Variants in PFAS observed in about 807,000 individuals in gnomAD.
PFAS encodes the protein FGAM synthase.
PFAS carries 97 observed loss-of-function variants against 140.6 expected under a neutral mutation model. The ratio of observed to expected loss-of-function variants is 0.69; its 90% confidence interval spans 0.59 to 0.82. The LOEUF is 0.82. PFAS is among the 40% of genes least tolerant of loss of function. PFAS has a pLI of 0.00. For synonymous variants in PFAS, 679 were observed against 718.8 expected (o/e 0.94, Z 0.88); for missense variants, 1,656 against 1,780.2 (o/e 0.93, Z 1.26).
At position 8,265,000 on chromosome 17, in the gene PFAS, A is replaced by T. The variant is rs1322493392; in HGVS notation, c.2155A>T (p.Ile719Leu). Residue 719 changes from isoleucine to leucine, a missense_variant, in exon 18 of 28, where the codon ATA (isoleucine) becomes TTA (leucine). Physicochemically the swap from Ile to Leu is conservative, Grantham distance 5. Transcript: ENST00000314666. ...AVVALSHEEL[I>L]GAATALGEQP... is the part of the protein sequence containing the mutation. ...TGTGGCACTGAGCCATGAGGAGCTCATAGGGGCTGCCACAGCCTTGGGAGA... is the reference window on the plus strand; with the variant it reads ...TGTGGCACTGAGCCATGAGGAGCTCTTAGGGGCTGCCACAGCCTTGGGAGA... 10 of 1,613,550 alleles carry T rather than the reference A, an allele frequency of 6.2e-6. No individual in the cohort carries two copies. The highest frequency in any genetic ancestry group is 6.8e-6 in the Non-Finnish European group (8 of 1,179,922).
upstream of PFAS, chr17:8,247,910 G>A: frequency 7.4e-7 from 1 of 1,352,844 alleles, no homozygotes; most frequent in Non-Finnish European, 1.0e-6. Flanking sequence ...CGCGGCCAGC[G>A]AGCCCAGAGA....
In PFAS at chr17:8,265,658, C is replaced by T; in HGVS notation, c.2545+19C>T. 2 of 1,599,844 alleles carry T rather than the reference C, an allele frequency of 1.3e-6. No homozygotes were observed. Among genetic ancestry groups the T allele is most frequent in the Non-Finnish European group, 1.7e-6 (2 of 1,167,130 alleles). ...GGGAGAGGTATGGACATGGCCCCAT[C>T]CTTTGTGATCTTTGCTTGTGTGATC... On this transcript the variant is annotated intron_variant, in intron 20 of 27. Coordinates refer to ENST00000314666, the MANE Select transcript of PFAS (RefSeq NM_012393.3).
intron 2 of PFAS, 31 bp from the exon 3 acceptor site, chr17:8,254,135 C>G (rs1253078617): frequency 1.2e-6 from 2 of 1,613,956 alleles, no homozygotes; most frequent in African/African-American, 2.7e-5. Flanking sequence ...GGGGCAGTGT[C>G]TCAAGGTGTC....
upstream of PFAS, among the ~76,000 whole-genome samples, chr17:8,249,114 T>C (rs1989015570): frequency 6.6e-6 from 1 of 152,112 alleles, no homozygotes. Context: ...GAACTGAATG[T>C]ATTTTCACAA....
rs1338002436 is a variant in PFAS, at chr17:8,249,313, C to G, written c.-106C>G. The G allele has an allele frequency of 6.6e-6, 1 of 152,232 alleles. No individual in the cohort carries two copies. The highest frequency in any genetic ancestry group is 6.5e-5 in the Admixed American group (1 of 15,292). The allele number at this position is 152,232 out of a possible 1,614,324, so 9.4% of individuals were successfully genotyped here. On this transcript the variant is annotated 5_prime_UTR_variant, in exon 1 of 28. Coordinates refer to ENST00000314666, the MANE Select transcript of PFAS (RefSeq NM_012393.3). Reference sequence around the variant, plus strand: ...CAAACGCGCGCGACGATTCGAGGTGCTCTGTGGCCGCGAGTGCATCTTCCA... The same window carrying G: ...CAAACGCGCGCGACGATTCGAGGTGGTCTGTGGCCGCGAGTGCATCTTCCA...
In PFAS at chr17:8,256,887, T is replaced by C. The variant is rs1352157467; in HGVS notation, c.999T>C (p.Asp333=). The change falls in exon 9 of 28, where the codon GAT becomes GAC. Residue 333 remains aspartate (D), a synonymous_variant. Transcript: ENST00000314666. ...ATTGTGGRIR[D]VQCTGRGAHV... The stretch of plus-strand genomic sequence containing the variant: ...CTGGCACAGGGGGCCGGATTCGAGA[T>C]GTCCAGTGCACAGGCCGCGGGGCCC... 2 of 1,613,982 alleles carry C rather than the reference T, an allele frequency of 1.2e-6. No homozygotes were observed. The highest frequency in any genetic ancestry group is 1.7e-6 in the Non-Finnish European group (2 of 1,179,918).
chr17:8,248,079 TGGGGGTGGGGATGGGGGTGG>T, upstream of PFAS: 2 of 145,654 alleles, frequency 1.4e-5, no homozygotes, highest in Non-Finnish European at 1.4e-5. Flanking sequence ...GGTGCTCGCT[TGGGGGTGGGGATGGGGGTGG>T]GGGGGCGCTC....
In PFAS at chr17:8,268,747, T is replaced by C. The variant is rs1038078518; in HGVS notation, c.3597T>C (p.Ser1199=). 1.2e-6 allele frequency: 2 copies of C among 1,612,340 alleles called. No homozygotes were observed. The highest frequency in any genetic ancestry group is 2.7e-5 in the African/African-American group (2 of 74,940). The part of the protein sequence containing the change: ...RPGLLLRHNL[S]GRYESRWASV... ...GCCTTCTGCTACGCCACAACCTGTCTGGGCGCTACGAGTCTCGCTGGGCCA... is the reference window on the plus strand; with the variant it reads ...GCCTTCTGCTACGCCACAACCTGTCCGGGCGCTACGAGTCTCGCTGGGCCA... The change falls in exon 27 of 28, where the codon TCT becomes TCC. Residue 1199 remains serine (S), a synonymous_variant. Transcript: ENST00000314666.
In PFAS at chr17:8,264,198, C is replaced by T. The variant is rs182493420; in HGVS notation, c.1792-14C>T. The T allele has an allele frequency of 2.5e-6, 4 of 1,613,472 alleles. No homozygotes were observed. Among genetic ancestry groups the T allele is most frequent in the Admixed American group, 1.7e-5 (1 of 59,948 alleles). On this transcript the variant is annotated splice_polypyrimidine_tract_variant and intron_variant, in intron 15 of 27. Coordinates refer to ENST00000314666, the MANE Select transcript of PFAS (RefSeq NM_012393.3). Reference sequence around the variant, plus strand: ...AGTCTCATCCCCTCTGGGTGGGGTCCCTGTGGTCTATAGATAGTGCTGGTG... The same window carrying T: ...AGTCTCATCCCCTCTGGGTGGGGTCTCTGTGGTCTATAGATAGTGCTGGTG...
rs139846959 is a variant in PFAS at position 8,263,339 on chromosome 17, A to G, written c.1567+74A>G. The G allele has an allele frequency of 3.2e-5, 48 of 1,515,772 alleles. No homozygotes were observed. The Admixed American group carries it at 8.1e-4, about 26-fold the overall frequency. The allele number at this position is 1,515,772 out of a possible 1,614,324, so 93.9% of individuals were successfully genotyped here. On this transcript the variant is annotated intron_variant, in intron 13 of 27. Coordinates refer to ENST00000314666, the MANE Select transcript of PFAS (RefSeq NM_012393.3). The stretch of plus-strand genomic sequence containing the variant: ...CAGGTTTCGTTTAGGGAGAGGTATC[A>G]GGAATCTCCAACCAACCACCCAGCT...
Position 8,266,141 on chromosome 17 carries a change from G to T in PFAS, c.2702-93G>T, listed in dbSNP as rs1355169522. 3 of 1,567,310 alleles carry T rather than the reference G, an allele frequency of 1.9e-6. No individual in the cohort carries two copies. Among genetic ancestry groups the T allele is most frequent in the East Asian group, 4.5e-5 (2 of 44,532 alleles). On this transcript the variant is annotated intron_variant, in intron 21 of 27. Transcript: ENST00000314666. The surrounding 1 kb of genome is among the most constrained non-coding windows in gnomAD (Gnocchi z 5.0). ...TGTACCCCAGATCCCCTGACATTCT[G>T]ACACACACTCTTGATGGACTGACTC...
intron 3 of PFAS, 72 bp downstream of exon 3, chr17:8,254,373 G>A: frequency 6.4e-7 from 1 of 1,572,754 alleles, no homozygotes; most frequent in South Asian, 1.1e-5. Flanking sequence ...TGGGAGATTT[G>A]CTTTTCCTTT....
At chr17:8,252,540 A>AT (rs941851282) in intron 1 of PFAS, among the ~76,000 whole-genome samples, 2 of 151,100 alleles carry the variant, frequency 1.3e-5, no homozygotes, top group African/African-American at 4.9e-5. Context: ...ATTAGCTGTG[A>AT]TTACAGGCAC....
At chr17:8,253,085 C>A (rs566507282) in intron 1 of PFAS, among the ~76,000 whole-genome samples, 1 of 152,160 alleles carries the variant, frequency 6.6e-6, no homozygotes, top group Non-Finnish European at 1.5e-5. Flanking sequence ...GGGGGAGATA[C>A]ACAAACATTC....
At chr17:8,256,681 T>A in intron 8 of PFAS, 33 bp downstream of exon 8, 1 of 1,612,828 alleles carries the variant, frequency 6.2e-7, no homozygotes. Flanking sequence ...ATAGGTGAGA[T>A]CACAGAATAG....
intron 11 of PFAS, among the ~76,000 whole-genome samples, chr17:8,261,126 A>G (rs1009380138): frequency 2.0e-5 from 3 of 152,216 alleles, no homozygotes; most frequent in Admixed American, 1.3e-4. Context: ...ACACTTGTTA[A>G]TATCTGTCCT....
At position 8,265,886 on chromosome 17, in the gene PFAS, G is replaced by T; in HGVS notation, c.2570G>T (p.Ser857Ile). 3 of 1,610,064 alleles carry T rather than the reference G, an allele frequency of 1.9e-6. No individual in the cohort carries two copies. The highest frequency in any genetic ancestry group is 2.5e-6 in the Non-Finnish European group (3 of 1,177,884). ...GGCCATCTGCTCTATGTGGCTCTGAGCCCTGGGCAGCACCGGCTCGGGGGC... is the reference window on the plus strand; with the variant it reads ...GGCCATCTGCTCTATGTGGCTCTGATCCCTGGGCAGCACCGGCTCGGGGGC... ...GRGHLLYVAL[S>I]PGQHRLGGTA... is the part of the protein sequence containing the mutation. Residue 857 changes from serine (S) to isoleucine (I), a missense_variant, in exon 21 of 28, where the codon AGC becomes ATC. Coordinates refer to ENST00000314666, the MANE Select transcript of PFAS (RefSeq NM_012393.3).
chr17:8,265,493 GGGA>G, intron 19 of PFAS, 25 bp downstream of exon 19: 1 of 1,613,320 alleles, frequency 6.2e-7, no homozygotes, highest in Non-Finnish European at 8.5e-7. Context: ...CCCCAGGGAG[GGGA>G]GGAGGAACTA....
rs1367149278 is a variant in PFAS at position 8,263,118 on chromosome 17, G to A, written c.1420G>A (p.Asp474Asn). 1.2e-6 allele frequency: 2 copies of A among 1,614,074 alleles called. No individual in the cohort carries two copies. Among genetic ancestry groups the A allele is most frequent in the East Asian group, 4.5e-5 (2 of 44,888 alleles). ...GAASSVQVQG[D>N]NTSDLDFGAV... ...CCATATATGCCCCCAGGTGCAGGGAGATAACACCAGTGACCTGGACTTTGG... is the reference window on the plus strand; with the variant it reads ...CCATATATGCCCCCAGGTGCAGGGAAATAACACCAGTGACCTGGACTTTGG... The change falls in exon 13 of 28, where the codon GAT becomes AAT. Residue 474 changes from aspartate (D) to asparagine (N), a missense_variant. Around this residue, in one of 2 missense-constraint regions of PFAS, gnomAD observed 773 missense variants for 757.3 expected, o/e 1.02. Coordinates refer to ENST00000314666, the MANE Select transcript of PFAS (RefSeq NM_012393.3).
Sources: allele counts gnomAD v4.1 joint callset (sites outside exome capture counted in the v4.1 genomes callset), GRCh38; gene constraint gnomAD v4.1.1; regional missense constraint gnomAD v4.1.1; non-coding constraint Gnocchi (gnomAD v3.1); transcripts MANE v1.5; gene names NCBI Gene and HGNC (gene_info 2026-07-23, HGNC 2026-07-21).